ADAMTSL2: variants seen among roughly 807,000 people sequenced by gnomAD.
ADAMTSL2 encodes the protein ADAMTS like 2.
In ADAMTSL2, 55 loss-of-function variants were observed where a neutral mutation model predicts 117.0. The observed-to-expected ratio is 0.47, with a 90% CI of 0.38 to 0.59. The LOEUF (loss-of-function observed/expected upper bound fraction) is 0.59, where lower values mean the gene tolerates loss of function less well. Among genes scored for constraint, ADAMTSL2 ranks in the 20% least tolerant of loss-of-function variants. The probability of loss-of-function intolerance (pLI) is 0.00; values close to 1 mark genes in which losing one functional copy is unlikely to be tolerated. For synonymous variants in ADAMTSL2, 572 were observed against 566.4 expected (o/e 1.01, Z -0.14); for missense variants, 1,182 against 1,354.5 (o/e 0.87, Z 2.00).
At chr9:133,556,970 T>G (rs1257472314) in intron 11 of ADAMTSL2, among the ~76,000 whole-genome samples, 1 of 151,902 alleles carries the variant, frequency 6.6e-6, no homozygotes, top group African/African-American at 2.4e-5. Flanking sequence ...TGAGTGGGGG[T>G]TGGAGGCAGG....
chr9:133,543,363 C>CAAAAAAA (rs1160340051), intron 7 of ADAMTSL2, among the ~76,000 whole-genome samples: 1 of 152,188 alleles, frequency 6.6e-6, no homozygotes, highest in Non-Finnish European at 1.5e-5. Flanking sequence ...TCTTGAAACC[C>CAAAAAAA]AAAGAAGGGG....
intron 3 of ADAMTSL2, among the ~76,000 whole-genome samples, chr9:133,537,996 T>C (rs375686887): frequency 6.6e-6 from 1 of 152,212 alleles, no homozygotes; most frequent in South Asian, 2.1e-4. Flanking sequence ...ACTTAACCTC[T>C]CTGAGCATCA....
At chr9:133,561,008 G>A (rs1036761843) in intron 11 of ADAMTSL2, among the ~76,000 whole-genome samples, 190 bp from the exon 12 acceptor site, 1 of 152,214 alleles carries the variant, frequency 6.6e-6, no homozygotes, top group African/African-American at 2.4e-5. Flanking sequence ...CTCTGCGGGC[G>A]CCTCATCCGT....
chr9:133,553,294 G>A (rs1253625495), intron 9 of ADAMTSL2, among the ~76,000 whole-genome samples: 1 of 152,120 alleles, frequency 6.6e-6, no homozygotes, highest in Non-Finnish European at 1.5e-5. Context: ...CCTGGGCATA[G>A]CAGGCCTAGC....
chr9:133,547,261 T>G, intron 9 of ADAMTSL2, 48 bp downstream of exon 9: 1 of 1,563,740 alleles, frequency 6.4e-7, no homozygotes, highest in Non-Finnish European at 8.7e-7. Flanking sequence ...TGGGCACTGT[T>G]TCCCCAGAAT....
chr9:133,551,346 A>G (rs1382215082), intron 9 of ADAMTSL2, among the ~76,000 whole-genome samples: 1 of 151,766 alleles, frequency 6.6e-6, no homozygotes, highest in Non-Finnish European at 1.5e-5. Flanking sequence ...ATGTGTGGGT[A>G]CAAGAGTCTT....
rs771796545 is a variant in ADAMTSL2 at position 133,536,678 on chromosome 9, C to A, written c.-35C>A. ...CTGGTCATCTGGAAGAGGATCGGAG[C>A]TGGCCTGGTGGTGACAGTGGCCTTG... On this transcript the variant is annotated 5_prime_UTR_variant, in exon 2 of 19. The change creates a new upstream start codon in the 5' untranslated region. Transcript: ENST00000651351. 1.2e-6 allele frequency: 2 copies of A among 1,614,064 alleles called. No individual in the cohort carries two copies. The highest frequency in any genetic ancestry group is 2.2e-5 in the South Asian group (2 of 91,092).
At chr9:133,537,785 G>A (rs990922389) in intron 3 of ADAMTSL2, among the ~76,000 whole-genome samples, 1 of 151,826 alleles carries the variant, frequency 6.6e-6, no homozygotes, top group Non-Finnish European at 1.5e-5. Context: ...TTCACGAGAG[G>A]GCAGGAGCCA....
chr9:133,538,563 G>C, intron 4 of ADAMTSL2, 139 bp downstream of exon 4: 1 of 1,005,462 alleles, frequency 9.9e-7, no homozygotes, highest in South Asian at 1.4e-5. Context: ...CAGGAGCAGG[G>C]TTGAGAAGGC....
rs974026101 is a variant in ADAMTSL2 at position 133,554,465 on chromosome 9, G to C, written c.1048G>C (p.Ala350Pro). Reference protein sequence around the residue: ...QPIYYGFSESAESQGLDGAGL... With the variant: ...QPIYYGFSESPESQGLDGAGL... ...CATCTACTATGGCTTCTCCGAGAGCGCTGAGAGCCAGGGCCTGGACGGGGC... is the reference window on the plus strand; with the variant it reads ...CATCTACTATGGCTTCTCCGAGAGCCCTGAGAGCCAGGGCCTGGACGGGGC... The change falls in exon 10 of 19, where the codon GCT becomes CCT. Residue 350 changes from alanine (A) to proline (P), a missense_variant. By Grantham distance (27) the Ala-to-Pro change is conservative (BLOSUM62 -1). This residue lies in a region of ADAMTSL2 where 345 missense variants were observed against 325.8 expected (regional missense o/e 1.06). Coordinates refer to ENST00000651351, the MANE Select transcript of ADAMTSL2 (RefSeq NM_014694.4). The surrounding 1 kb of genome is among the most constrained non-coding windows in gnomAD (Gnocchi z 5.2). 3 of 1,555,534 alleles carry C rather than the reference G, an allele frequency of 1.9e-6. No homozygotes were observed. Among genetic ancestry groups the C allele is most frequent in the Non-Finnish European group, 2.6e-6 (3 of 1,150,066 alleles).
chr9:133,563,351 T>A (rs947345292), intron 12 of ADAMTSL2, among the ~76,000 whole-genome samples: 1 of 152,354 alleles, frequency 6.6e-6, no homozygotes, highest in African/African-American at 2.4e-5. Context: ...GCAGGGTGTC[T>A]GCTTTGCCAA....
In ADAMTSL2 at chr9:133,538,388, G is replaced by A. The variant is rs145190375; in HGVS notation, c.273G>A (p.Thr91=). The part of the protein sequence containing the change: ...SVPGPGNRTC[T]GTSKRYQLCR... ...CGGGCCCCGGGAACAGGACCTGCACGGGCACGTCCAAGCGGTACCAGCTCT... is the reference window on the plus strand; with the variant it reads ...CGGGCCCCGGGAACAGGACCTGCACAGGCACGTCCAAGCGGTACCAGCTCT... Residue 91 remains threonine (T), a synonymous_variant, in exon 4 of 19, where the codon ACG becomes ACA. Coordinates refer to ENST00000651351, the MANE Select transcript of ADAMTSL2 (RefSeq NM_014694.4). 3.7e-5 allele frequency: 59 copies of A among 1,613,266 alleles called. No homozygotes were observed. Among genetic ancestry groups the A allele is most frequent in the African/African-American group, 1.1e-4 (8 of 75,058 alleles).
intron 5 of ADAMTSL2, among the ~76,000 whole-genome samples, chr9:133,540,190 C>A (rs1035329243): frequency 6.6e-6 from 1 of 152,216 alleles, no homozygotes; most frequent in South Asian, 2.1e-4. Flanking sequence ...CGATCCCAAA[C>A]GGAGACTGCC....
At position 133,541,019 on chromosome 9, in the gene ADAMTSL2, C is replaced by T; in HGVS notation, c.682+18C>T. 6.2e-7 allele frequency: 1 copy of T among 1,610,160 alleles called. No homozygotes were observed. The highest frequency in any genetic ancestry group is 8.5e-7 in the Non-Finnish European group (1 of 1,178,748). On this transcript the variant is annotated intron_variant, in intron 7 of 18. Transcript: ENST00000651351. ...CCACCTTGGTAAGCCACAGCGCGCCCTGGAGTCCAAGCACAGCAGAGTCTG... is the reference window on the plus strand; with the variant it reads ...CCACCTTGGTAAGCCACAGCGCGCCTTGGAGTCCAAGCACAGCAGAGTCTG...
chr9:133,548,959 G>A (rs1451697465), intron 9 of ADAMTSL2, among the ~76,000 whole-genome samples: 8 of 151,872 alleles, frequency 5.3e-5, no homozygotes, highest in African/African-American at 1.7e-4. Context: ...TGCAGCTGGT[G>A]TAGGGGCTAC....
chr9:133,556,409 C>G (rs1211354365), intron 11 of ADAMTSL2, among the ~76,000 whole-genome samples: 1 of 152,212 alleles, frequency 6.6e-6, no homozygotes, highest in Non-Finnish European at 1.5e-5. Flanking sequence ...AGTTTTAAGC[C>G]TGGACAGTCA....
At position 133,574,960 on chromosome 9, in the gene ADAMTSL2, C is replaced by T. The variant is rs1831194854; in HGVS notation, c.*96C>T. The stretch of plus-strand genomic sequence containing the variant: ...CTCCACAGACCCCCCTCCTGCGGGG[C>T]ACGCTGGCCTAAGAGACGTGGCACT... On this transcript the variant is annotated 3_prime_UTR_variant, in exon 19 of 19. Coordinates refer to ENST00000651351, the MANE Select transcript of ADAMTSL2 (RefSeq NM_014694.4). The T allele has an allele frequency of 2.1e-6, 2 of 935,408 alleles. No homozygotes were observed. The highest frequency in any genetic ancestry group is 3.5e-6 in the Non-Finnish European group (2 of 577,590). The allele number at this position is 935,408 out of a possible 1,614,324, so 57.9% of individuals were successfully genotyped here.
At chr9:133,568,188 G>A (rs1831019380) in intron 13 of ADAMTSL2, 85 bp from the exon 14 acceptor site, 2 of 1,380,544 alleles carry the variant, frequency 1.4e-6, no homozygotes, top group Non-Finnish European at 2.0e-6. Context: ...GAAGGGAGGA[G>A]CCGCGTTGTC....
Position 133,569,475 on chromosome 9 carries a change from T to C in ADAMTSL2, c.2312T>C (p.Val771Ala). The change falls in exon 16 of 19, where the codon GTA becomes GCA. Residue 771 changes from valine (V) to alanine (A), a missense_variant. This residue lies in a region of ADAMTSL2 where 465 missense variants were observed against 565.3 expected (regional missense o/e 0.82). Transcript: ENST00000651351. ...TACTGCAAGACCAGCGACGGACGGG[T>C]AGTACCTGAGTCCCAGTGCCAGATG... ...HVYCKTSDGR[V>A]VPESQCQMET... The C allele has an allele frequency of 6.2e-7, 1 of 1,613,396 alleles. No homozygotes were observed. The highest frequency in any genetic ancestry group is 1.7e-4 in the Middle Eastern group (1 of 6,058).
Sources: allele counts gnomAD v4.1 joint callset (sites outside exome capture counted in the v4.1 genomes callset), GRCh38; gene constraint gnomAD v4.1.1; regional missense constraint gnomAD v4.1.1; non-coding constraint Gnocchi (gnomAD v3.1); transcripts MANE v1.5; gene names NCBI Gene and HGNC (gene_info 2026-07-23, HGNC 2026-07-21).